The following DDHD1 variants were observed in gnomAD, a reference collection of about 807,000 sequenced individuals.
DDHD1 encodes phospholipase DDHD1.
Under a neutral mutation model 96.4 loss-of-function variants are expected in DDHD1, and 49 were observed. The ratio of observed to expected loss-of-function variants is 0.51; its 90% CI spans 0.40 to 0.64. The LOEUF (loss-of-function observed/expected upper bound fraction) is 0.64, where lower values mean the gene tolerates loss of function less well. DDHD1 is among the 30% of genes least tolerant of loss of function. The pLI, the probability that DDHD1 is intolerant of heterozygous loss-of-function variation, is 0.00. For synonymous variants in DDHD1, 442 were observed against 446.5 expected, an observed-to-expected ratio of 0.99 and a Z score of 0.13; for missense variants, 1,106 against 1,161.2, an observed-to-expected ratio of 0.95 and a Z score of 0.69.
At chr14:53,119,751 C>T (rs1888836698) in intron 1 of DDHD1, among the ~76,000 whole-genome samples, 1 of 152,188 alleles carries the variant, frequency 6.6e-6, no homozygotes, top group African/African-American at 2.4e-5. Context: ...TAAAATTCAA[C>T]ATAACTTCAT....
At chr14:53,135,692 AGACG>A (rs1890182221) in intron 1 of DDHD1, among the ~76,000 whole-genome samples, 1 of 152,270 alleles carries the variant, frequency 6.6e-6, no homozygotes, top group Admixed American at 6.5e-5. Context: ...AGAGAAATAC[AGACG>A]GTCAAGAATG....
intron 4 of DDHD1, among the ~76,000 whole-genome samples, chr14:53,082,758 C>CAAAAAA (rs11368593): frequency 1.0e-5 from 1 of 98,874 alleles, no homozygotes. Context: ...GACTCTATCT[C>CAAAAAA]AAAAAAAAAA....
intron 4 of DDHD1, among the ~76,000 whole-genome samples, chr14:53,076,193 A>C (rs1884946695): frequency 6.6e-6 from 1 of 152,142 alleles, no homozygotes; most frequent in Non-Finnish European, 1.5e-5. Context: ...TTCCGGAAGG[A>C]ACTCATCATT....
rs538051138 is a variant in DDHD1, at chr14:53,152,362, G to C, written c.737C>G (p.Pro246Arg). ...GATGTTCACAAGCTCCACCATCTCC[G>C]GCTCGTGCCCCGTCGTACTCTGGCA... The part of the protein sequence containing the change: ...GFCQSTTGHE[P>R]EMVELVNIEP... The change falls in exon 1 of 13, where the codon CCG becomes CGG. Residue 246 changes from proline (P) to arginine (R), a missense_variant. By Grantham distance (103) the Pro-to-Arg change is moderately radical. This residue lies in a region of DDHD1 where 456 missense variants were observed against 402.4 expected (regional missense o/e 1.13). Coordinates refer to ENST00000673822, the MANE Select transcript of DDHD1 (RefSeq NM_001160148.2). The C allele has an allele frequency of 1.2e-6, 2 of 1,613,782 alleles. No individual in the cohort carries two copies. The highest frequency in any genetic ancestry group is 1.7e-6 in the Non-Finnish European group (2 of 1,179,952).
intron 4 of DDHD1, among the ~76,000 whole-genome samples, chr14:53,088,285 C>T (rs79538749): frequency 0.87 from 133,160 of 152,190 alleles, 58,330 homozygotes; most frequent in East Asian, 0.98. Flanking sequence ...TTGCAGTCAA[C>T]AGAAAAAGAG....
chr14:53,138,184 C>G (rs993564041), intron 1 of DDHD1, among the ~76,000 whole-genome samples: 1 of 152,306 alleles, frequency 6.6e-6, no homozygotes, highest in South Asian at 2.1e-4. Flanking sequence ...GTGGGCAGAT[C>G]ACTTGAGGTC....
Position 53,054,420 on chromosome 14 carries a change from A to C in DDHD1, c.2437+18T>G, listed in dbSNP as rs763251928. 8.7e-6 allele frequency: 14 copies of C among 1,608,360 alleles called. No individual in the cohort carries two copies. The highest frequency in any genetic ancestry group is 1.1e-5 in the Non-Finnish European group (13 of 1,175,820). On this transcript the variant is annotated intron_variant, in intron 11 of 12. Coordinates refer to ENST00000673822, the MANE Select transcript of DDHD1 (RefSeq NM_001160148.2). Reference sequence around the variant, plus strand: ...AAAAGATACAGTATCAACTTAAGGAAATAATGTATGAACTAACATGCAGAA... The same window carrying C: ...AAAAGATACAGTATCAACTTAAGGACATAATGTATGAACTAACATGCAGAA...
intron 8 of DDHD1, among the ~76,000 whole-genome samples, chr14:53,060,828 T>TC (rs2139860681): frequency 1.3e-5 from 2 of 152,218 alleles, no homozygotes; most frequent in South Asian, 2.1e-4. Flanking sequence ...CAAATATCAC[T>TC]CCTTTGTAAA....
At chr14:53,135,543 G>A (rs1414381712) in intron 1 of DDHD1, among the ~76,000 whole-genome samples, 2 of 152,208 alleles carry the variant, frequency 1.3e-5, no homozygotes, top group African/African-American at 4.8e-5. Context: ...TCACATGGAC[G>A]CGTGTGACAC....
At chr14:53,128,146 T>C (rs938598597) in intron 1 of DDHD1, among the ~76,000 whole-genome samples, 1 of 152,194 alleles carries the variant, frequency 6.6e-6, no homozygotes, top group Non-Finnish European at 1.5e-5. Flanking sequence ...TGATTGTAAG[T>C]TTCCTGAGGC....
intron 1 of DDHD1, 148 bp downstream of exon 1, chr14:53,152,113 G>GACCAAGTCAGTGTAGAT: frequency 1.2e-6 from 1 of 833,742 alleles, no homozygotes; most frequent in South Asian, 1.9e-5. Flanking sequence ...AGCTGCCGAC[G>GACCAAGTCAGTGTAGAT]CTCCCTGCTC....
chr14:53,041,193 T>C lies in DDHD1; in HGVS notation c.*5575A>G. On this transcript the variant is annotated 3_prime_UTR_variant, in exon 13 of 13. Coordinates refer to ENST00000673822, the MANE Select transcript of DDHD1 (RefSeq NM_001160148.2). ...AACAGAAGACCAGATGTAATCTTCC[T>C]AAAGAATATTCCCCAACATATCCTG... is the stretch of plus-strand genomic sequence containing the variant. The C allele has an allele frequency of 6.6e-6, 1 of 152,116 alleles. No homozygotes were observed. The highest frequency in any genetic ancestry group is 1.5e-5 in the Non-Finnish European group (1 of 68,012). The allele number at this position is 152,116 out of a possible 1,614,324, so 9.4% of individuals were successfully genotyped here.
Position 53,062,944 on chromosome 14 carries a change from G to C in DDHD1, c.1765C>G (p.Arg589Gly). The C allele has an allele frequency of 6.2e-7, 1 of 1,609,318 alleles. No individual in the cohort carries two copies. ...LLDELYITKRRLKEIEERLHG... is the reference protein window; with the variant it reads ...LLDELYITKRGLKEIEERLHG... ...TTTCAAAAGATGAGGATATTTTACCGTCGTTTAGTTATATAGAGTTCATCA... is the reference window on the plus strand; with the variant it reads ...TTTCAAAAGATGAGGATATTTTACCCTCGTTTAGTTATATAGAGTTCATCA... Residue 589 changes from arginine (R) to glycine (G), a missense_variant and splice_region_variant, in exon 7 of 13, where the codon CGG becomes GGG. By Grantham distance (125) the Arg-to-Gly change is moderately radical (BLOSUM62 -2). This residue lies in a region of DDHD1 where 650 missense variants were observed against 758.8 expected (regional missense o/e 0.86). Transcript: ENST00000673822.
In DDHD1 at chr14:53,039,018, C is replaced by T. The variant is rs1257689643; in HGVS notation, c.*7750G>A. ...CACAAGACATTATCTTCAAAGACAACTTCATTAGGAATGTGGAGGTAATTT... is the reference window on the plus strand; with the variant it reads ...CACAAGACATTATCTTCAAAGACAATTTCATTAGGAATGTGGAGGTAATTT... On this transcript the variant is annotated 3_prime_UTR_variant, in exon 13 of 13. Coordinates refer to ENST00000673822, the MANE Select transcript of DDHD1 (RefSeq NM_001160148.2). The T allele has an allele frequency of 1.3e-5, 2 of 152,210 alleles. No individual in the cohort carries two copies. Among genetic ancestry groups the T allele is most frequent in the African/African-American group, 4.8e-5 (2 of 41,460 alleles). 9.4% of individuals were successfully genotyped at this position (152,210 alleles called of 1,614,324 possible).
chr14:53,103,944 A>C lies in DDHD1; in HGVS notation c.839-88T>G, dbSNP rs1887501059. On this transcript the variant is annotated intron_variant, in intron 1 of 12. Transcript: ENST00000673822. The stretch of plus-strand genomic sequence containing the variant: ...AGTATCTACAATCTTATATTTTGCT[A>C]CTGCTGTCACAAAAACAGATTTTCA... The C allele has an allele frequency of 5.4e-5, 65 of 1,209,854 alleles. 1 individual carries two copies. The South Asian group carries it at 9.5e-4, about 18-fold the overall frequency. 74.9% of individuals were successfully genotyped at this position (1,209,854 alleles called of 1,614,324 possible). A position where few individuals can be genotyped will look rare whatever the true frequency, so the allele number is the denominator to read the frequency against.
At position 53,093,325 on chromosome 14, in the gene DDHD1, A is replaced by AT; in HGVS notation, c.1131dup (p.Phe378IlefsTer3). 6.2e-7 allele frequency: 1 copy of AT among 1,608,116 alleles called. No individual in the cohort carries two copies. Among genetic ancestry groups the AT allele is most frequent in the Admixed American group, 1.7e-5 (1 of 58,704 alleles). ...AATATTTAACAATTACCTTTAGAAA[A>AT]TCCCAGTTTTTGGGTAACTGTTCTT... On this transcript the variant is annotated frameshift_variant, in exon 3 of 13. Transcript: ENST00000673822. LOFTEE classifies it high-confidence loss of function.
intron 12 of DDHD1, chr14:53,049,095 T>C (rs1052930864): frequency 2.6e-5 from 4 of 152,256 alleles, no homozygotes; most frequent in African/African-American, 9.6e-5. Flanking sequence ...TTATTCTTAA[T>C]ATGCTATTAC....
chr14:53,078,515 A>ATG (rs1885162480), intron 4 of DDHD1, among the ~76,000 whole-genome samples: 1 of 152,162 alleles, frequency 6.6e-6, no homozygotes, highest in Non-Finnish European at 1.5e-5. Context: ...TACTTTATAT[A>ATG]TCCTGGATCC....
chr14:53,137,048 G>A (rs2139863979), intron 1 of DDHD1, among the ~76,000 whole-genome samples: 1 of 151,872 alleles, frequency 6.6e-6, no homozygotes, highest in Middle Eastern at 3.4e-3. Context: ...GAAGGTGGAG[G>A]AAAATACAAA....
Sources: allele counts gnomAD v4.1 joint callset (sites outside exome capture counted in the v4.1 genomes callset), GRCh38; gene constraint gnomAD v4.1.1; regional missense constraint gnomAD v4.1.1; transcripts MANE v1.5; gene names NCBI Gene and HGNC (gene_info 2026-07-23, HGNC 2026-07-21).